VRK2: variants seen among roughly 807,000 people sequenced by gnomAD.
VRK2 encodes the protein serine/threonine-protein kinase VRK2.
In VRK2, 60 loss-of-function variants were observed where a neutral mutation model predicts 57.6. The observed-to-expected ratio is 1.04, with a 90% CI of 0.85 to 1.29. The LOEUF is 1.29. Among genes scored for constraint, VRK2 ranks in the 50% most tolerant of loss-of-function variants. The pLI, the probability that VRK2 is intolerant of heterozygous loss-of-function variation, is 0.00. For synonymous variants in VRK2, 231 were observed against 199.2 expected (o/e 1.16, Z -1.35); for missense variants, 705 against 588.1 (o/e 1.20, Z -2.06).
rs188692913 is a variant in VRK2, at chr2:57,930,609, C to T, written c.-439+22770C>T. On this transcript the variant is annotated intron_variant, in intron 1 of 15. Coordinates refer to the VRK2 transcript ENST00000417641. ...TGATTCAATTTGGTGTCTGTGAAGA[C>T]TTCTATTTAGCCGTTTTGCTCCACT... Among the ~76,000 whole-genome samples, 3 of 152,228 alleles carry T rather than the reference C, an allele frequency of 2.0e-5. No homozygotes were observed. The East Asian group carries it at 5.8e-4, about 29-fold the overall frequency.
chr2:58,122,158 G>A (rs1558663507), intron 7 of VRK2, among the ~76,000 whole-genome samples: 1 of 152,090 alleles, frequency 6.6e-6, no homozygotes, highest in Non-Finnish European at 1.5e-5. Context: ...AAATAGTGGT[G>A]TTTCTTGTGT....
intron 1 of VRK2, among the ~76,000 whole-genome samples, chr2:57,994,986 T>A (rs1017633704): frequency 1.3e-5 from 2 of 152,178 alleles, no homozygotes; most frequent in South Asian, 4.1e-4. Flanking sequence ...ATTAAAAATA[T>A]CAAGAAAATA....
chr2:58,037,754 G>T (rs968474809), intron 3 of VRK2, among the ~76,000 whole-genome samples: 1 of 151,982 alleles, frequency 6.6e-6, no homozygotes, highest in Non-Finnish European at 1.5e-5. Context: ...TGCCAATAAA[G>T]AAACTGTTTT....
At chr2:57,974,581 G>A (rs1449795644) in intron 1 of VRK2, among the ~76,000 whole-genome samples, 4 of 151,816 alleles carry the variant, frequency 2.6e-5, no homozygotes, top group Non-Finnish European at 4.4e-5. Context: ...TTAGCTGAAA[G>A]TATAGACTCT....
chr2:58,096,024 CAG>C (rs1331796302), intron 7 of VRK2, among the ~76,000 whole-genome samples: 1 of 151,994 alleles, frequency 6.6e-6, no homozygotes, highest in African/African-American at 2.4e-5. Context: ...TGAATTTTTT[CAG>C]AGTCTTGTTT....
Position 58,139,820 on chromosome 2 carries a change from A to C in VRK2, c.1011A>C (p.Pro337=), listed in dbSNP as rs375336141. ...TKGQSINVHT[P]NSQKVDSQKA... ...GACAGAGTATAAATGTCCATACTCC[A>C]AACAGTCAAAAAGTAAGTAACATAA... The change falls in exon 11 of 13, where the codon CCA becomes CCC. Residue 337 remains proline (P), a synonymous_variant. Coordinates refer to ENST00000340157, the MANE Select transcript of VRK2 (RefSeq NM_006296.7). The C allele has an allele frequency of 6.2e-7, 1 of 1,610,834 alleles. No individual in the cohort carries two copies.
At chr2:58,063,185 G>T (rs1677609246) in intron 2 of VRK2, among the ~76,000 whole-genome samples, 3 of 145,350 alleles carry the variant, frequency 2.1e-5, no homozygotes, top group Admixed American at 6.8e-5. Flanking sequence ...TTTTTTTTTA[G>T]TTTTATTTTT....
intron 8 of VRK2, among the ~76,000 whole-genome samples, chr2:58,127,931 A>T (rs1226065947): frequency 6.6e-6 from 1 of 152,196 alleles, no homozygotes; most frequent in East Asian, 1.9e-4. Context: ...TTCCTCTTTC[A>T]GTCCATTTGG....
chr2:57,969,975 AT>A (rs1478160829), intron 1 of VRK2, among the ~76,000 whole-genome samples: 1 of 151,392 alleles, frequency 6.6e-6, no homozygotes, highest in Non-Finnish European at 1.5e-5. Flanking sequence ...CCCGTAACCT[AT>A]TTTTTTCATA....
intron 2 of VRK2, among the ~76,000 whole-genome samples, chr2:58,060,098 G>A (rs920675170): frequency 2.0e-5 from 3 of 151,712 alleles, no homozygotes; most frequent in Admixed American, 6.6e-5. Context: ...AAGGAGGATA[G>A]TAGAAGAAAA....
At chr2:58,034,708 CAT>C (rs1674218915) in intron 3 of VRK2, among the ~76,000 whole-genome samples, 1 of 151,754 alleles carries the variant, frequency 6.6e-6, no homozygotes, top group African/African-American at 2.4e-5. Flanking sequence ...GAGCATCTCT[CAT>C]CTTTGTTCTT....
intron 2 of VRK2, chr2:58,026,794 C>A (rs1421375360): frequency 6.6e-6 from 1 of 152,164 alleles, no homozygotes; most frequent in Non-Finnish European, 1.5e-5. Flanking sequence ...TCACAGCTCA[C>A]TGAAGCCTCA....
chr2:57,944,513 G>A (rs577136745), intron 1 of VRK2, among the ~76,000 whole-genome samples: 80 of 152,314 alleles, frequency 5.3e-4, no homozygotes, highest in Non-Finnish European at 9.0e-4. Context: ...GAGGCAGGCG[G>A]ATCACGACGT....
chr2:58,146,577 A>T, intron 12 of VRK2, 103 bp downstream of exon 12: 4 of 1,340,492 alleles, frequency 3.0e-6, no homozygotes, highest in Non-Finnish European at 4.0e-6. Context: ...CCAAGGTTGT[A>T]TGGTTTTGTT....
At chr2:58,109,918 G>C (rs1338977878) in intron 7 of VRK2, among the ~76,000 whole-genome samples, 1 of 152,076 alleles carries the variant, frequency 6.6e-6, no homozygotes, top group Non-Finnish European at 1.5e-5. Context: ...CAAAATCAGA[G>C]GGTTCTTTTT....
chr2:58,077,907 C>G (rs1451776700), intron 2 of VRK2, among the ~76,000 whole-genome samples: 2 of 152,216 alleles, frequency 1.3e-5, no homozygotes, highest in South Asian at 4.1e-4. Context: ...TAGCTGGCAA[C>G]ATAGTTTTGT....
intron 7 of VRK2, among the ~76,000 whole-genome samples, chr2:58,092,687 A>C (rs1185637539): frequency 6.6e-6 from 1 of 151,880 alleles, no homozygotes; most frequent in African/African-American, 2.4e-5. Context: ...TCCATACTTT[A>C]AGTTCTAGGG....
At chr2:58,084,188 T>C (rs1487899430) in intron 3 of VRK2, 50 bp downstream of exon 3, 1 of 1,543,768 alleles carries the variant, frequency 6.5e-7, no homozygotes. Context: ...ACTTTTTCCT[T>C]TTCTGCTTTA....
At position 58,113,548 on chromosome 2, in the gene VRK2, TA is replaced by T. The variant is rs796070200; in HGVS notation, c.544-9552del. 6.2e-4 allele frequency among the ~76,000 whole-genome samples: 95 copies of T among 152,080 alleles called. 1 individual carries two copies. The highest frequency in any genetic ancestry group is 2.2e-3 in the African/African-American group (90 of 41,486). ...CAAAAAGAGAGTCAGCGAAGGGAGATAGGGGTGGGACCGTTTTATAGGATTT... is the reference window on the plus strand; with the variant it reads ...CAAAAAGAGAGTCAGCGAAGGGAGATGGGGTGGGACCGTTTTATAGGATTT... On this transcript the variant is annotated intron_variant, in intron 7 of 12. Transcript: ENST00000340157.
Sources: gnomAD v4.1 joint callset for allele counts (sites outside exome capture counted in the v4.1 genomes callset) on GRCh38, gnomAD v4.1.1 for gene constraint, MANE v1.5 for transcripts, NCBI Gene and HGNC (gene_info 2026-07-23, HGNC 2026-07-21) for gene names.